The following TNKS2 variants were observed in gnomAD, a reference collection of about 807,000 sequenced individuals.
TNKS2 encodes poly [ADP-ribose] polymerase tankyrase-2.
In TNKS2, 72 loss-of-function variants were observed where a neutral mutation model predicts 137.6. The ratio of observed to expected loss-of-function variants is 0.52; its 90% CI spans 0.43 to 0.64. The LOEUF is 0.64. TNKS2 is among the 30% of genes least tolerant of loss of function. TNKS2 has a pLI of 0.00. For missense variants in TNKS2, 1,049 were observed against 1,410.2 expected, an observed-to-expected ratio of 0.74 and a Z score of 4.10; for synonymous variants, 516 against 512.1, an observed-to-expected ratio of 1.01 and a Z score of -0.10.
At chr10:91,861,824 A>G (rs1055804371) in intron 25 of TNKS2, among the ~76,000 whole-genome samples, 175 bp from the exon 26 acceptor site, 15 of 152,206 alleles carry the variant, frequency 9.9e-5, no homozygotes, top group Non-Finnish European at 2.9e-5. Context: ...AAATTATTTC[A>G]TTAATAAGAG....
intron 1 of TNKS2, among the ~76,000 whole-genome samples, chr10:91,809,324 A>G (rs905485578): frequency 7.9e-5 from 12 of 152,332 alleles, no homozygotes; most frequent in African/African-American, 2.6e-4. Flanking sequence ...TGGTGTTCAC[A>G]TGAACCATGT....
At chr10:91,837,970 G>T (rs75389617) in intron 13 of TNKS2, among the ~76,000 whole-genome samples, 1 of 141,176 alleles carries the variant, frequency 7.1e-6, no homozygotes, top group Non-Finnish European at 1.5e-5. Context: ...AATTACTTCA[G>T]TTAAAAGGTT....
chr10:91,812,992 G>A lies in TNKS2; in HGVS notation c.209G>A (p.Arg70Gln), dbSNP rs771509312. ...ATTTGTTTTCATCTAGGTTTTGGGC[G>A]GAAAGACGTAGTTGAATATTTGCTT... Reference protein sequence around the residue: ...TPLHFAAGFGRKDVVEYLLQN... With the variant: ...TPLHFAAGFGQKDVVEYLLQN... Residue 70 changes from arginine to glutamine, a missense_variant, in exon 2 of 27, where the codon CGG becomes CAG. Coordinates refer to ENST00000371627, the MANE Select transcript of TNKS2 (RefSeq NM_025235.4). 13 of 1,613,920 alleles carry A rather than the reference G, an allele frequency of 8.1e-6. No individual in the cohort carries two copies. The highest frequency in any genetic ancestry group is 1.1e-5 in the Non-Finnish European group (13 of 1,179,942).
At chr10:91,799,972 C>T (rs765882484) in intron 1 of TNKS2, among the ~76,000 whole-genome samples, 4 of 152,230 alleles carry the variant, frequency 2.6e-5, no homozygotes, top group Non-Finnish European at 4.4e-5. Flanking sequence ...AATATTTCCT[C>T]TTTCACAGAT....
At chr10:91,849,726 G>A in intron 20 of TNKS2, 132 bp downstream of exon 20, 1 of 660,952 alleles carries the variant, frequency 1.5e-6, no homozygotes, top group Admixed American at 3.7e-5. Flanking sequence ...ACATCAGTCA[G>A]CCTTCTAATT....
At chr10:91,856,001 CAA>C (rs1282975860) in intron 23 of TNKS2, among the ~76,000 whole-genome samples, 1 of 152,040 alleles carries the variant, frequency 6.6e-6, no homozygotes, top group Non-Finnish European at 1.5e-5. Context: ...TCTATTGTAA[CAA>C]AGCTGAATTT....
intron 11 of TNKS2, among the ~76,000 whole-genome samples, chr10:91,833,554 T>C (rs1280500424): frequency 6.6e-6 from 1 of 152,202 alleles, no homozygotes; most frequent in African/African-American, 2.4e-5. Context: ...TAAAAATAGA[T>C]GAGTTCAACT....
At chr10:91,840,184 A>T (rs375077745) in intron 13 of TNKS2, among the ~76,000 whole-genome samples, 1 of 152,180 alleles carries the variant, frequency 6.6e-6, no homozygotes, top group African/African-American at 2.4e-5. Flanking sequence ...TACTAAAAAT[A>T]TAAAAATTAG....
intron 26 of TNKS2, 78 bp downstream of exon 26, chr10:91,862,233 C>G (rs187846713): frequency 5.0e-6 from 6 of 1,190,706 alleles, no homozygotes; most frequent in Middle Eastern, 2.6e-4. Context: ...CTTGAATTGA[C>G]AAGACATATT....
intron 2 of TNKS2, among the ~76,000 whole-genome samples, chr10:91,815,948 C>CTT (rs10691725): frequency 0.41 from 50,746 of 124,998 alleles, 11,542 homozygotes; most frequent in South Asian, 0.67. Context: ...AAGACTTTCT[C>CTT]TTTTTTTTTT....
chr10:91,810,453 A>G (rs2133595775), intron 1 of TNKS2, among the ~76,000 whole-genome samples: 2 of 152,122 alleles, frequency 1.3e-5, no homozygotes, highest in Middle Eastern at 6.8e-3. Context: ...TATGGGACAA[A>G]GGCCAGGTGC....
chr10:91,801,523 G>T (rs1160705597), intron 1 of TNKS2, among the ~76,000 whole-genome samples: 5 of 151,894 alleles, frequency 3.3e-5, no homozygotes, highest in Non-Finnish European at 7.4e-5. Context: ...TCCCAGGCTG[G>T]AGTGCAGCGT....
chr10:91,810,593 C>T (rs1211939188), intron 1 of TNKS2, among the ~76,000 whole-genome samples: 5 of 151,308 alleles, frequency 3.3e-5, no homozygotes, highest in African/African-American at 9.7e-5. Flanking sequence ...AGCTCTGCCT[C>T]CCAGGTTCAT....
chr10:91,814,908 A>G (rs1299478563), intron 2 of TNKS2, among the ~76,000 whole-genome samples: 1 of 152,236 alleles, frequency 6.6e-6, no homozygotes, highest in Non-Finnish European at 1.5e-5. Context: ...GTAATCTGGT[A>G]GGGGACTGGG....
chr10:91,808,724 G>A (rs999699540), intron 1 of TNKS2, among the ~76,000 whole-genome samples: 2 of 152,138 alleles, frequency 1.3e-5, no homozygotes, highest in Non-Finnish European at 2.9e-5. Context: ...GTAGACTGGA[G>A]ATTTAAATCT....
chr10:91,848,301 A>C (rs987297326), intron 18 of TNKS2, 82 bp from the exon 19 acceptor site: 1 of 1,425,140 alleles, frequency 7.0e-7, no homozygotes. Flanking sequence ...GGGTTTTCTC[A>C]TATTTTTAAA....
At chr10:91,835,592 C>CTTTTTTTTTTTTTTTTTTTTTT (rs35247985) in intron 12 of TNKS2, among the ~76,000 whole-genome samples, 1 of 109,428 alleles carries the variant, frequency 9.1e-6, no homozygotes, top group African/African-American at 3.5e-5. Context: ...CCCGGCCTTT[C>CTTTTTTTTTTTTTTTTTTTTTT]TTTTTTTTTT....
intron 14 of TNKS2, among the ~76,000 whole-genome samples, chr10:91,841,020 T>C (rs1043413371): frequency 1.3e-5 from 2 of 152,172 alleles, no homozygotes; most frequent in Admixed American, 6.5e-5. Flanking sequence ...TATCTTGAAG[T>C]TATTTTTTAT....
chr10:91,807,085 T>C, intron 1 of TNKS2: 2 of 1,449,056 alleles, frequency 1.4e-6, no homozygotes, highest in East Asian at 4.6e-5. Context: ...AACAGTCCAC[T>C]TAGTTACATA....
Sources: allele counts gnomAD v4.1 joint callset (sites outside exome capture counted in the v4.1 genomes callset), GRCh38; gene constraint gnomAD v4.1.1; transcripts MANE v1.5; gene names NCBI Gene and HGNC (gene_info 2026-07-23, HGNC 2026-07-21).